FBN3: variants seen among roughly 807,000 people sequenced by gnomAD.
The protein encoded by FBN3 is fibrillin-3.
A neutral mutation model predicts 330.1 loss-of-function variants in FBN3; 234 were observed. That is an observed-to-expected ratio of 0.71 (90% confidence interval 0.64 to 0.79). FBN3 has a LOEUF of 0.79. Among genes scored for constraint, FBN3 ranks in the 30% least tolerant of loss-of-function variants. FBN3 has a pLI of 0.00. For missense variants in FBN3, 3,606 were observed against 3,886.9 expected (o/e 0.93, Z 1.92); for synonymous variants, 1,458 against 1,517.3 (o/e 0.96, Z 0.91).
intron 37 of FBN3, 41 bp from the exon 38 acceptor site, chr19:8,106,274 A>T: frequency 6.2e-7 from 1 of 1,612,720 alleles, no homozygotes; most frequent in Non-Finnish European, 8.5e-7. Context: ...AGCTAAACCC[A>T]TGCAGAGGAC....
At position 8,106,191 on chromosome 19, in the gene FBN3, C is replaced by A. The variant is rs746702306; in HGVS notation, c.4730G>T (p.Gly1577Val). The A allele has an allele frequency of 2.5e-6, 4 of 1,613,776 alleles. No individual in the cohort carries two copies. The highest frequency in any genetic ancestry group is 2.2e-5 in the South Asian group (2 of 91,062). The change falls in exon 38 of 64, where the codon GGT becomes GTT. Residue 1577 changes from glycine (G) to valine (V), a missense_variant. Transcript: ENST00000600128. ...CQELPGLCQG[G>V]DCVNTFGSFQ... ...ACTGCCAAACGTGTTGACGCAGTCA[C>A]CCCCCTGACACAGCCCTGGCAGCTC...
rs1429056214 is a variant in FBN3, at chr19:8,087,825, C to T, written c.6619G>A (p.Asp2207Asn). Residue 2207 changes from aspartate to asparagine, a missense_variant and splice_region_variant, in exon 53 of 64, where the codon GAT (aspartate) becomes AAT (asparagine). By Grantham distance (23) the Asp-to-Asn change is conservative. Transcript: ENST00000600128. ...GTTTTACCATATTAGTCAGGCCTAC[C>T]TCGACACATGGCCCCATCCTCCCGC... ...TLREDGAMCR[D>N]VDECADGQQD... 6.2e-7 allele frequency: 1 copy of T among 1,613,702 alleles called. No individual in the cohort carries two copies. The highest frequency in any genetic ancestry group is 1.1e-5 in the South Asian group (1 of 91,074).
intron 13 of FBN3, among the ~76,000 whole-genome samples, chr19:8,134,558 G>T (rs2083233613): frequency 6.6e-6 from 1 of 152,150 alleles, no homozygotes; most frequent in South Asian, 2.1e-4. Flanking sequence ...GTCTGTGGCT[G>T]TGTTTGCTTG....
chr19:8,135,936 G>GGGGGCCCCCC, intron 13 of FBN3, 25 bp downstream of exon 13: 2 of 668,778 alleles, frequency 3.0e-6, no homozygotes, highest in Non-Finnish European at 4.8e-6. Context: ...GGAAGCCCCT[G>GGGGGCCCCCC]CCCACCCGCC....
intron 13 of FBN3, 25 bp downstream of exon 13, chr19:8,135,936 G>GGGGGGGGGGGCCGCCCCCCCCCCCCC: frequency 1.5e-6 from 1 of 668,778 alleles, no homozygotes; most frequent in Non-Finnish European, 2.4e-6. Flanking sequence ...GGAAGCCCCT[G>GGGGGGGGGGGCCGCCCCCCCCCCCCC]CCCACCCGCC....
At chr19:8,130,245 G>A (rs1378901342) in intron 16 of FBN3, among the ~76,000 whole-genome samples, 1 of 149,658 alleles carries the variant, frequency 6.7e-6, no homozygotes, top group East Asian at 2.1e-4. Context: ...GCTCGTGTCT[G>A]TAATCACAGC....
intron 3 of FBN3, among the ~76,000 whole-genome samples, chr19:8,146,533 T>A (rs2083551077): frequency 6.6e-6 from 1 of 152,058 alleles, no homozygotes; most frequent in South Asian, 2.1e-4. Flanking sequence ...TCCTGGATAC[T>A]GAGGTTGGGT....
At position 8,072,190 on chromosome 19, in the gene FBN3, A is replaced by T. The variant is rs1193148984; in HGVS notation, c.7946T>A (p.Val2649Asp). 1 of 1,548,232 alleles carries T rather than the reference A, an allele frequency of 6.5e-7. No homozygotes were observed. Among genetic ancestry groups the T allele is most frequent in the Admixed American group, 1.9e-5 (1 of 53,006 alleles). Residue 2649 changes from valine to aspartate, a missense_variant, in exon 63 of 64, where the codon GTC becomes GAC. Transcript: ENST00000600128. ...GYFRAGQGHC[V>D]SGLGFSPGPQ... The stretch of plus-strand genomic sequence containing the variant: ...TCCGGGGCTGAAGCCCAGGCCGGAG[A>T]CACAGTGCCTGGGCCAGGATGGGCA...
chr19:8,103,833 T>G (rs943624563), intron 38 of FBN3, 146 bp from the exon 39 acceptor site: 2 of 698,586 alleles, frequency 2.9e-6, no homozygotes, highest in Non-Finnish European at 4.7e-6. Flanking sequence ...CACATCTTAG[T>G]GATGAAGAAA....
At chr19:8,097,028 G>T (rs199920875) in intron 42 of FBN3, 22 bp from the exon 43 acceptor site, 14 of 1,608,136 alleles carry the variant, frequency 8.7e-6, no homozygotes, top group Non-Finnish European at 1.2e-5. Flanking sequence ...CAGCAAATGA[G>T]GTGGGGGTGA....
At position 8,141,966 on chromosome 19, in the gene FBN3, G is replaced by C. The variant is rs144238038; in HGVS notation, c.713C>G (p.Pro238Arg). The change falls in exon 7 of 64, where the codon CCC becomes CGC. Residue 238 changes from proline (P) to arginine (R), a missense_variant. Pro to Arg is a moderately radical substitution (Grantham distance 103). Coordinates refer to ENST00000600128, the MANE Select transcript of FBN3 (RefSeq NM_032447.5). Reference protein sequence around the residue: ...QPHPCRRGFIPNIHTGACQDV... With the variant: ...QPHPCRRGFIRNIHTGACQDV... ...TTGGCAGGCCCCCGTGTGGATATTG[G>C]GGATGAAGCCGCGGCGGCAGGGGTG... The C allele has an allele frequency of 1.2e-6, 2 of 1,614,216 alleles. No homozygotes were observed. The highest frequency in any genetic ancestry group is 1.7e-6 in the Non-Finnish European group (2 of 1,180,042).
rs182719536 is a variant in FBN3, at chr19:8,102,546, G to T, written c.5089+178C>A. ...CCTCTTTTTCTTTATAAATTACCCA[G>T]TATCCAGTATTTCTTCACAGCAGTA... On this transcript the variant is annotated intron_variant, in intron 40 of 63. Coordinates refer to ENST00000600128, the MANE Select transcript of FBN3 (RefSeq NM_032447.5). Among the ~76,000 whole-genome samples, 412 of 152,222 alleles carry T rather than the reference G, an allele frequency of 2.7e-3. 2 individuals are homozygous for T. Among genetic ancestry groups the T allele is most frequent in the African/African-American group, 8.9e-3 (368 of 41,524 alleles).
At chr19:8,123,710 C>T in intron 23 of FBN3, 74 bp downstream of exon 23, 1 of 1,594,426 alleles carries the variant, frequency 6.3e-7, no homozygotes, top group African/African-American at 1.3e-5. Flanking sequence ...AAACACACTT[C>T]CCATCTCCAG....
rs368710361 is a variant in FBN3 at position 8,118,757 on chromosome 19, G to A, written c.3337+140C>T. ...CACAGATACACACACACACTTGCAC[G>A]CTCACACATAGGTATGGCCTCAGAA... is the stretch of plus-strand genomic sequence containing the variant. On this transcript the variant is annotated intron_variant, in intron 26 of 63. Transcript: ENST00000600128. 2.1e-3 allele frequency: 2,145 copies of A among 1,024,328 alleles called. 55 individuals are homozygous for A. The South Asian group carries it at 0.03, about 14-fold the overall frequency. The allele number at this position is 1,024,328 out of a possible 1,614,324, so 63.5% of individuals were successfully genotyped here.
intron 13 of FBN3, among the ~76,000 whole-genome samples, chr19:8,133,954 C>T (rs1033238717): frequency 3.0e-4 from 45 of 150,454 alleles, no homozygotes; most frequent in Middle Eastern, 3.4e-3. Context: ...TGGCTGGGTG[C>T]GGTGGTTCAC....
chr19:8,106,154 C>T lies in FBN3; in HGVS notation c.4767G>A (p.Glu1589=). The T allele has an allele frequency of 6.2e-7, 1 of 1,614,154 alleles. No individual in the cohort carries two copies. The highest frequency in any genetic ancestry group is 8.5e-7 in the Non-Finnish European group (1 of 1,180,016). ...CVNTFGSFQC[E]CPPGYHLSEH... ...CACTGAGGTGGTAGCCAGGTGGGCA[C>T]TCACACTGGAAACTGCCAAACGTGT... Residue 1589 remains glutamate, a synonymous_variant, in exon 38 of 64, where the codon GAG becomes GAA. Transcript: ENST00000600128.
intron 47 of FBN3, among the ~76,000 whole-genome samples, chr19:8,093,437 C>A (rs2082142099): frequency 6.6e-6 from 1 of 152,062 alleles, no homozygotes; most frequent in Admixed American, 6.5e-5. Context: ...TCCTGGCTAA[C>A]ATGGTGAAAC....
Position 8,142,064 on chromosome 19 carries a change from GC to G in FBN3, c.614del (p.Cys205SerfsTer201). 1 of 1,614,050 alleles carries G rather than the reference GC, an allele frequency of 6.2e-7. No homozygotes were observed. Among genetic ancestry groups the G allele is most frequent in the Non-Finnish European group, 8.5e-7 (1 of 1,179,960 alleles). ...CAGTGGCACAGCAAAGTGCCTTGGT[GC>G]ACACGAGGCCCGTCAGCTGATGCTG... is the stretch of plus-strand genomic sequence containing the variant. ...GCQHQLTGLV[C>X]TKALCCATVG... On this transcript the variant is annotated frameshift_variant, in exon 7 of 64. Transcript: ENST00000600128. LOFTEE classifies it high-confidence loss of function.
intron 57 of FBN3, among the ~76,000 whole-genome samples, chr19:8,082,050 G>A (rs1007196892): frequency 1.3e-5 from 2 of 149,788 alleles, no homozygotes; most frequent in Admixed American, 6.7e-5. Flanking sequence ...TGCACCCTCC[G>A]CCTCCCAGGT....
Sources: allele counts gnomAD v4.1 joint callset (sites outside exome capture counted in the v4.1 genomes callset), GRCh38; gene constraint gnomAD v4.1.1; transcripts MANE v1.5; gene names NCBI Gene and HGNC (gene_info 2026-07-23, HGNC 2026-07-21).